FLNB: variants seen among roughly 807,000 people sequenced by gnomAD.
FLNB encodes filamin B.
A neutral mutation model predicts 250.6 loss-of-function variants in FLNB; 111 were observed. The observed-to-expected ratio is 0.44, with a 90% CI of 0.38 to 0.52. The LOEUF is 0.52. Among genes scored for constraint, FLNB ranks in the 20% least tolerant of loss-of-function variants. FLNB has a pLI of 0.00. For synonymous variants in FLNB, 1,302 were observed against 1,372.1 expected (o/e 0.95, Z 1.13); for missense variants, 2,869 against 3,447.8 (o/e 0.83, Z 4.20).
At chr3:58,149,728 G>T (rs1358796665) in intron 36 of FLNB, 122 bp from the exon 37 acceptor site, 18 of 1,299,430 alleles carry the variant, frequency 1.4e-5, no homozygotes, top group Non-Finnish European at 2.0e-5. Flanking sequence ...GGCCGCCATT[G>T]CTTTCTTTCT....
At chr3:58,143,250 T>C (rs1475360990) in intron 31 of FLNB, among the ~76,000 whole-genome samples, 1 of 152,120 alleles carries the variant, frequency 6.6e-6, no homozygotes, top group African/African-American at 2.4e-5. Context: ...AGAAAACTCT[T>C]TAAGAGTTGT....
At chr3:58,101,014 T>G (rs1007244212) in intron 8 of FLNB, among the ~76,000 whole-genome samples, 5 of 152,138 alleles carry the variant, frequency 3.3e-5, no homozygotes, top group African/African-American at 4.8e-5. Flanking sequence ...GGTTTACAGA[T>G]GTAAATTATT....
At chr3:58,062,642 G>A (rs1206570536) in intron 1 of FLNB, among the ~76,000 whole-genome samples, 5 of 152,206 alleles carry the variant, frequency 3.3e-5, no homozygotes, top group African/African-American at 9.6e-5. Flanking sequence ...GGAATCTGTG[G>A]GAGGAGTTGG....
chr3:58,048,057 T>A (rs1277196269), intron 1 of FLNB, among the ~76,000 whole-genome samples: 2 of 152,088 alleles, frequency 1.3e-5, no homozygotes, highest in Admixed American at 6.6e-5. Flanking sequence ...AGTAATAACA[T>A]CTTGTGTAAA....
chr3:58,105,802 G>A (rs2097258599), intron 11 of FLNB, among the ~76,000 whole-genome samples: 1 of 152,206 alleles, frequency 6.6e-6, no homozygotes. Context: ...ATTTGCAAAA[G>A]TAAGCAATGG....
intron 1 of FLNB, among the ~76,000 whole-genome samples, chr3:58,067,316 C>T (rs906146976): frequency 6.6e-6 from 1 of 152,074 alleles, no homozygotes; most frequent in Admixed American, 6.6e-5. Flanking sequence ...AAAAGACCTG[C>T]CAAGTCAACT....
chr3:58,107,374 A>G (rs1005390644), intron 12 of FLNB, among the ~76,000 whole-genome samples: 11 of 152,154 alleles, frequency 7.2e-5, no homozygotes, highest in African/African-American at 2.7e-4. Flanking sequence ...TAGCACTTTT[A>G]TAGTGTTGGG....
chr3:58,142,379 C>T lies in FLNB; in HGVS notation c.5182-271C>T, dbSNP rs1299358593. Among the ~76,000 whole-genome samples, 1 of 152,228 alleles carries T rather than the reference C, an allele frequency of 6.6e-6. No homozygotes were observed. Among genetic ancestry groups the T allele is most frequent in the African/African-American group, 2.4e-5 (1 of 41,460 alleles). On this transcript the variant is annotated intron_variant, in intron 30 of 45. Coordinates refer to ENST00000295956, the MANE Select transcript of FLNB (RefSeq NM_001457.4). This position sits in a 1 kb window ranked among gnomAD's most constrained non-coding sequence, Gnocchi z 4.3. ...GGGACTCATAGACATTGCTGTCTCTCACTTTTCCACTTTCCCGTGGGTGCT... is the reference window on the plus strand; with the variant it reads ...GGGACTCATAGACATTGCTGTCTCTTACTTTTCCACTTTCCCGTGGGTGCT...
At chr3:58,024,701 CTTTTTTTTTTTTT>C (rs1174805764) in intron 1 of FLNB, among the ~76,000 whole-genome samples, 7 of 83,772 alleles carry the variant, frequency 8.4e-5, no homozygotes, top group East Asian at 8.6e-4. Flanking sequence ...GCCAAGCCTC[CTTTTTTTTTTTTT>C]TTTTTTTTTT....
intron 35 of FLNB, 68 bp downstream of exon 35, chr3:58,148,432 C>A: frequency 6.5e-7 from 1 of 1,548,798 alleles, no homozygotes; most frequent in Non-Finnish European, 8.8e-7. Flanking sequence ...CTCTTGCAGT[C>A]CTTTCTTGGG....
In FLNB at chr3:58,156,053, G is replaced by A. The variant is rs1033252725; in HGVS notation, c.6866G>A (p.Arg2289His). Residue 2289 changes from arginine to histidine, a missense_variant, in exon 41 of 46, where the codon CGC becomes CAC. Arg to His is a conservative substitution (Grantham distance 29, BLOSUM62 0). Transcript: ENST00000295956. ...PVIAPSDDAR[R>H]LTVMSLQESG... Reference sequence around the variant, plus strand: ...ATCGCACCCTCCGACGACGCCCGCCGCCTCACTGTTATGAGCCTTCAGGTG... The same window carrying A: ...ATCGCACCCTCCGACGACGCCCGCCACCTCACTGTTATGAGCCTTCAGGTG... The A allele has an allele frequency of 6.8e-6, 11 of 1,613,902 alleles. No homozygotes were observed. In the Middle Eastern group the frequency reaches 4.9e-4, roughly 73 times the overall value.
At chr3:58,126,129 C>A (rs969696966) in intron 23 of FLNB, among the ~76,000 whole-genome samples, 1 of 152,190 alleles carries the variant, frequency 6.6e-6, no homozygotes, top group Non-Finnish European at 1.5e-5. Flanking sequence ...GTAATCTCAG[C>A]ACTTCAGGTG....
chr3:58,108,455 C>T lies in FLNB; in HGVS notation c.1942-3C>T. 1 of 1,602,572 alleles carries T rather than the reference C, an allele frequency of 6.2e-7. No homozygotes were observed. Among genetic ancestry groups the T allele is most frequent in the Non-Finnish European group, 8.6e-7 (1 of 1,169,586 alleles). ...AGAGACTTACTATCTGCCTTTGCTT[C>T]AGGTTCGAGCATACGGGCCAGGTTT... is the stretch of plus-strand genomic sequence containing the variant. On this transcript the variant is annotated splice_polypyrimidine_tract_variant and splice_region_variant and intron_variant, in intron 12 of 45. Coordinates refer to ENST00000295956, the MANE Select transcript of FLNB (RefSeq NM_001457.4).
intron 8 of FLNB, among the ~76,000 whole-genome samples, chr3:58,101,677 C>T (rs930910140): frequency 6.6e-6 from 1 of 152,212 alleles, no homozygotes; most frequent in Non-Finnish European, 1.5e-5. Context: ...CTGAACTGGT[C>T]TCTTTCCAAG....
intron 23 of FLNB, 22 bp from the exon 24 acceptor site, chr3:58,126,580 C>A: frequency 6.2e-7 from 1 of 1,612,758 alleles, no homozygotes; most frequent in Non-Finnish European, 8.5e-7. Flanking sequence ...GCACATTTCA[C>A]TTTCTTTTCC....
In FLNB at chr3:58,089,909, C is replaced by T. The variant is rs1311736719; in HGVS notation, c.788-4927C>T. ...TCAAGCTATTCTCCTGCCTCAGCCT[C>T]CCTAGTAGCTGGGCTTACAGGTGCC... is the stretch of plus-strand genomic sequence containing the variant. On this transcript the variant is annotated intron_variant, in intron 4 of 45. Coordinates refer to ENST00000295956, the MANE Select transcript of FLNB (RefSeq NM_001457.4). 6.6e-5 allele frequency among the ~76,000 whole-genome samples: 10 copies of T among 152,206 alleles called. No homozygotes were observed. In the East Asian group the frequency reaches 1.9e-3, roughly 30 times the overall value.
At position 58,123,382 on chromosome 3, in the gene FLNB, C is replaced by T. The variant is rs200677231; in HGVS notation, c.3416C>T (p.Ser1139Leu). 8 of 1,614,166 alleles carry T rather than the reference C, an allele frequency of 5.0e-6. No homozygotes were observed. Among genetic ancestry groups the T allele is most frequent in the South Asian group, 3.3e-5 (3 of 91,082 alleles). ...TTTGACCCCTCTAAAGTCGTGGCAT[C>T]GGGGCCAGGTCTCGAGCACGGGAAG... ...MPFDPSKVVA[S>L]GPGLEHGKVG... The change falls in exon 21 of 46, where the codon TCG becomes TTG. Residue 1139 changes from serine to leucine, a missense_variant. By Grantham distance (145) the Ser-to-Leu change is moderately radical. This residue lies in a region of FLNB where 1,348 missense variants were observed against 1,466.7 expected (regional missense o/e 0.92). Coordinates refer to ENST00000295956, the MANE Select transcript of FLNB (RefSeq NM_001457.4).
intron 26 of FLNB, among the ~76,000 whole-genome samples, chr3:58,133,207 C>T (rs1307917738): frequency 6.6e-6 from 1 of 152,286 alleles, no homozygotes; most frequent in East Asian, 1.9e-4. Context: ...TGCAACTTGT[C>T]ACCACACACT....
At chr3:58,056,691 T>A (rs1207928423) in intron 1 of FLNB, among the ~76,000 whole-genome samples, 1 of 151,970 alleles carries the variant, frequency 6.6e-6, no homozygotes, top group Non-Finnish European at 1.5e-5. Context: ...AGTCGCCGCC[T>A]CCTGGGTTCA....
Sources: gnomAD v4.1 joint callset for allele counts (sites outside exome capture counted in the v4.1 genomes callset) on GRCh38, gnomAD v4.1.1 for gene constraint, gnomAD v4.1.1 regional missense constraint, Gnocchi (gnomAD v3.1) non-coding constraint, MANE v1.5 for transcripts, NCBI Gene and HGNC (gene_info 2026-07-23, HGNC 2026-07-21) for gene names.